The following DEK variants were observed in gnomAD, a reference collection of about 807,000 sequenced individuals.
The protein encoded by DEK is DEK proto-oncogene.
DEK carries 28 observed loss-of-function variants against 46.8 expected under a neutral mutation model. The observed-to-expected ratio is 0.60, with a 90% CI of 0.44 to 0.82. The LOEUF (loss-of-function observed/expected upper bound fraction) is 0.82, where lower values mean the gene tolerates loss of function less well. DEK is among the 40% of genes least tolerant of loss of function. The probability of loss-of-function intolerance (pLI) is 0.00; values close to 1 mark genes in which losing one functional copy is unlikely to be tolerated. For synonymous variants in DEK, 160 were observed against 144.5 expected (o/e 1.11, Z -0.77); for missense variants, 416 against 430.6 (o/e 0.97, Z 0.30).
intron 6 of DEK, among the ~76,000 whole-genome samples, chr6:18,252,737 T>C (rs1242720794): frequency 6.6e-6 from 1 of 152,144 alleles, no homozygotes; most frequent in Non-Finnish European, 1.5e-5. Context: ...GCAACACTAT[T>C]TATCTGCTCT....
In DEK at chr6:18,224,695, G is replaced by T. The variant is rs1008962108; in HGVS notation, c.*1024C>A. 3 of 212,198 alleles carry T rather than the reference G, an allele frequency of 1.4e-5. No homozygotes were observed. The highest frequency in any genetic ancestry group is 2.9e-5 in the Non-Finnish European group (3 of 104,770). 13.1% of individuals were successfully genotyped at this position (212,198 alleles called of 1,614,324 possible). A position where few individuals can be genotyped will look rare whatever the true frequency, so the allele number is the denominator to read the frequency against. On this transcript the variant is annotated 3_prime_UTR_variant, in exon 11 of 11. Coordinates refer to ENST00000652689, the MANE Select transcript of DEK (RefSeq NM_003472.4). ...CATTATATTCTGGCATTATAATCTG[G>T]TACTTTAGTCATAATCGTGAAGCTG...
chr6:18,235,547 T>A (rs1304960225), intron 9 of DEK, among the ~76,000 whole-genome samples: 1 of 152,188 alleles, frequency 6.6e-6, no homozygotes, highest in Non-Finnish European at 1.5e-5. Flanking sequence ...CAGCCCTCGC[T>A]TACAATATTT....
intron 9 of DEK, among the ~76,000 whole-genome samples, chr6:18,231,180 G>A (rs1184857344): frequency 2.6e-5 from 4 of 152,110 alleles, no homozygotes; most frequent in South Asian, 2.1e-4. Context: ...TGAGAAAAAC[G>A]ACACAACATA....
intron 6 of DEK, among the ~76,000 whole-genome samples, chr6:18,254,765 G>C (rs1219965672): frequency 6.6e-6 from 1 of 152,146 alleles, no homozygotes; most frequent in Non-Finnish European, 1.5e-5. Context: ...TATAGCTATA[G>C]TAAAAGTTAG....
At chr6:18,239,664 T>C (rs1182259285) in intron 7 of DEK, among the ~76,000 whole-genome samples, 1 of 152,182 alleles carries the variant, frequency 6.6e-6, no homozygotes, top group African/African-American at 2.4e-5. Flanking sequence ...GAATTTCCCA[T>C]GGACTTTTGC....
At chr6:18,248,549 C>A (rs1387648216) in intron 7 of DEK, among the ~76,000 whole-genome samples, 1 of 152,076 alleles carries the variant, frequency 6.6e-6, no homozygotes, top group Non-Finnish European at 1.5e-5. Context: ...ATTTATGAAG[C>A]ACCTACTAGA....
intron 7 of DEK, chr6:18,244,369 A>C: frequency 2.8e-6 from 1 of 351,306 alleles, no homozygotes; most frequent in East Asian, 7.6e-5. Context: ...AAATTTTTAA[A>C]GGATCAGTAA....
intron 7 of DEK, among the ~76,000 whole-genome samples, chr6:18,239,749 T>C (rs1170602547): frequency 6.6e-6 from 1 of 152,204 alleles, no homozygotes; most frequent in African/African-American, 2.4e-5. Flanking sequence ...GGGACAAGTA[T>C]CAATGATTTG....
Position 18,258,067 on chromosome 6 carries a change from G to GA in DEK, c.248-6_248-5insT. ...CACAAAGTTTCTGCCCCTTTCCTGG[G>GA]GAAAAAAAAAAATCACAATTAAATA... On this transcript the variant is annotated splice_region_variant and splice_polypyrimidine_tract_variant and intron_variant, in intron 3 of 10. Transcript: ENST00000652689. 6 of 1,568,476 alleles carry GA rather than the reference G, an allele frequency of 3.8e-6. No homozygotes were observed. Among genetic ancestry groups the GA allele is most frequent in the African/African-American group, 2.8e-5 (2 of 71,690 alleles).
At chr6:18,233,142 A>G (rs181113028) in intron 9 of DEK, among the ~76,000 whole-genome samples, 131 of 152,342 alleles carry the variant, frequency 8.6e-4, no homozygotes, top group Middle Eastern at 3.4e-3. Flanking sequence ...AAAACTGGCT[A>G]GCCATATGTA....
chr6:18,231,827 G>C (rs1582256473), intron 9 of DEK, among the ~76,000 whole-genome samples: 1 of 152,072 alleles, frequency 6.6e-6, no homozygotes, highest in East Asian at 1.9e-4. Context: ...CTATTCCAAT[G>C]AATAGAAAAA....
chr6:18,237,903 G>A lies in DEK; in HGVS notation c.763-387C>T, dbSNP rs528261314. 4.7e-5 allele frequency among the ~76,000 whole-genome samples: 6 copies of A among 126,910 alleles called. No individual in the cohort carries two copies. In the East Asian group the frequency reaches 6.9e-4, roughly 15 times the overall value. 83.3% of individuals were successfully genotyped at this position (126,910 alleles called of 152,430 possible). A position where few individuals can be genotyped will look rare whatever the true frequency, so the allele number is the denominator to read the frequency against. Reference sequence around the variant, plus strand: ...TTTTTTTGAGACAGAGTCTTGCTGCGTCACCCTGGCTGGAGTGCAGTGGCC... The same window carrying A: ...TTTTTTTGAGACAGAGTCTTGCTGCATCACCCTGGCTGGAGTGCAGTGGCC... On this transcript the variant is annotated intron_variant, in intron 7 of 10. Transcript: ENST00000652689.
chr6:18,225,509 C>G lies in DEK; in HGVS notation c.*210G>C. 1 of 484,476 alleles carries G rather than the reference C, an allele frequency of 2.1e-6. No individual in the cohort carries two copies. Among genetic ancestry groups the G allele is most frequent in the Non-Finnish European group, 3.6e-6 (1 of 275,208 alleles). The allele number at this position is 484,476 out of a possible 1,614,324, so 30.0% of individuals were successfully genotyped here. A position where few individuals can be genotyped will look rare whatever the true frequency, so the allele number is the denominator to read the frequency against. On this transcript the variant is annotated 3_prime_UTR_variant, in exon 11 of 11. Coordinates refer to ENST00000652689, the MANE Select transcript of DEK (RefSeq NM_003472.4). ...AAAGCAAGGAACAATTAATGCCATG[C>G]AAGATTTTAAACTAAAAATGGCATA...
At chr6:18,237,341 A>T in intron 8 of DEK, 40 bp downstream of exon 8, 1 of 1,569,388 alleles carries the variant, frequency 6.4e-7, no homozygotes, top group South Asian at 1.2e-5. Flanking sequence ...AATATATGCT[A>T]TATCTTTAAA....
chr6:18,226,630 A>AG (rs1404775776), intron 9 of DEK, among the ~76,000 whole-genome samples: 1 of 152,200 alleles, frequency 6.6e-6, no homozygotes, highest in Non-Finnish European at 1.5e-5. Flanking sequence ...AAATTTAAAA[A>AG]GTAGCCAGGC....
At chr6:18,239,752 A>G (rs967963749) in intron 7 of DEK, among the ~76,000 whole-genome samples, 2 of 152,146 alleles carry the variant, frequency 1.3e-5, no homozygotes, top group African/African-American at 4.8e-5. Flanking sequence ...ACAAGTATCA[A>G]TGATTTGTCG....
intron 4 of DEK, 94 bp from the exon 5 acceptor site, chr6:18,256,549 C>A: frequency 1.0e-6 from 1 of 1,001,792 alleles, no homozygotes; most frequent in Non-Finnish European, 1.5e-6. Context: ...TCTTTATTTT[C>A]ATACCTGTCT....
chr6:18,260,288 A>C (rs545357535), intron 2 of DEK, among the ~76,000 whole-genome samples: 1 of 152,316 alleles, frequency 6.6e-6, no homozygotes, highest in African/African-American at 2.4e-5. Context: ...AAATCTGTAC[A>C]TGTTCAGTAC....
At chr6:18,243,316 C>T (rs531176731) in intron 7 of DEK, among the ~76,000 whole-genome samples, 3 of 140,380 alleles carry the variant, frequency 2.1e-5, no homozygotes, top group Non-Finnish European at 3.0e-5. Flanking sequence ...GACCAGAGGA[C>T]GTGTCTCATT....
Sources: gnomAD v4.1 joint callset for allele counts (sites outside exome capture counted in the v4.1 genomes callset) on GRCh38, gnomAD v4.1.1 for gene constraint, MANE v1.5 for transcripts, NCBI Gene and HGNC (gene_info 2026-07-23, HGNC 2026-07-21) for gene names.